The following HTR1E variants were observed in gnomAD, a reference collection of about 807,000 sequenced individuals.
HTR1E encodes 5-hydroxytryptamine receptor 1E, also known as 5-HT-1E.
Under a neutral mutation model 3.4 loss-of-function variants are expected in HTR1E, and 3 were observed. The observed-to-expected ratio is 0.89, with a 90% CI of 0.41 to 2.31. The LOEUF (loss-of-function observed/expected upper bound fraction) is 2.31. HTR1E is among the 30% of genes most tolerant of loss of function. HTR1E has a pLI of 0.05. For synonymous variants in HTR1E, 170 were observed against 182.8 expected (o/e 0.93, Z 0.56); for missense variants, 392 against 467.0 (o/e 0.84, Z 1.48).
chr6:86,991,705 G>A (rs1767871635), intron 1 of HTR1E, among the ~76,000 whole-genome samples: 1 of 152,144 alleles, frequency 6.6e-6, no homozygotes, highest in African/African-American at 2.4e-5. Context: ...AGTGGTCTCA[G>A]AAGCAGAATA....
In HTR1E at chr6:87,016,356, C is replaced by G. The variant is rs777168858; in HGVS notation, c.1022C>G (p.Pro341Arg). Residue 341 changes from proline to arginine, a missense_variant, in exon 2 of 2, where the codon CCT becomes CGT. Around this residue, in one of 3 missense-constraint regions of HTR1E, gnomAD observed 25 missense variants for 44.1 expected, o/e 0.57. Transcript: ENST00000305344. ...GGTTATGTGAATTCTCTGATCAACC[C>G]TCTGCTCTATACGAGTTTTAATGAA... is the stretch of plus-strand genomic sequence containing the variant. ...WLGYVNSLIN[P>R]LLYTSFNEDF... is the part of the protein sequence containing the mutation. 1 of 1,614,126 alleles carries G rather than the reference C, an allele frequency of 6.2e-7. No individual in the cohort carries two copies. Among genetic ancestry groups the G allele is most frequent in the Admixed American group, 1.7e-5 (1 of 60,016 alleles).
chr6:87,016,403 A>G lies in HTR1E; in HGVS notation c.1069A>G (p.Lys357Glu), dbSNP rs568964974. 1.2e-6 allele frequency: 2 copies of G among 1,605,136 alleles called. No individual in the cohort carries two copies. Among genetic ancestry groups the G allele is most frequent in the Admixed American group, 3.4e-5 (2 of 59,520 alleles). ...TGAAGACTTTAAGCTGGCTTTTAAA[A>G]AGCTCATTAGATGCCGAGAGCATAC... ...FNEDFKLAFKKLIRCREHT is the reference protein window; with the variant it reads ...FNEDFKLAFKELIRCREHT The change falls in exon 2 of 2, where the codon AAG becomes GAG. Residue 357 changes from lysine to glutamate, a missense_variant. By Grantham distance (56) the Lys-to-Glu change is moderately conservative. Coordinates refer to ENST00000305344, the MANE Select transcript of HTR1E (RefSeq NM_000865.3).
intron 1 of HTR1E, among the ~76,000 whole-genome samples, chr6:86,999,561 AT>A (rs774754695): frequency 2.7e-4 from 41 of 152,210 alleles, no homozygotes; most frequent in Non-Finnish European, 4.9e-4. Context: ...TAGAAAAACT[AT>A]TAGAGTAATT....
At chr6:86,951,346 GTTTTC>G (rs1767237893) in intron 1 of HTR1E, among the ~76,000 whole-genome samples, 1 of 152,054 alleles carries the variant, frequency 6.6e-6, no homozygotes, top group African/African-American at 2.4e-5. Context: ...TGAAATATTT[GTTTTC>G]TTTTCATGAA....
intron 1 of HTR1E, among the ~76,000 whole-genome samples, chr6:86,954,974 C>G (rs1291507704): frequency 9.2e-5 from 14 of 152,148 alleles, no homozygotes; most frequent in Non-Finnish European, 1.5e-5. Context: ...ACCCATTGTA[C>G]CCCAGAGCAA....
At chr6:87,012,093 G>A (rs779195996) in intron 1 of HTR1E, among the ~76,000 whole-genome samples, 15 of 147,362 alleles carry the variant, frequency 1.0e-4, no homozygotes. Flanking sequence ...AGCGTGTTAC[G>A]GAAGCAGTCT....
At chr6:86,956,429 T>C (rs1012168265) in intron 1 of HTR1E, among the ~76,000 whole-genome samples, 2 of 152,172 alleles carry the variant, frequency 1.3e-5, no homozygotes, top group Non-Finnish European at 2.9e-5. Flanking sequence ...TTGATTCCAG[T>C]TCTTTAGATA....
intron 1 of HTR1E, among the ~76,000 whole-genome samples, chr6:87,005,659 CTCTCCA>C (rs1768092247): frequency 6.6e-6 from 1 of 152,158 alleles, no homozygotes; most frequent in Non-Finnish European, 1.5e-5. Context: ...ATTGGGGAAA[CTCTCCA>C]AGACATTAGT....
intron 1 of HTR1E, among the ~76,000 whole-genome samples, chr6:87,011,786 A>G (rs1768240912): frequency 1.3e-5 from 2 of 152,204 alleles, no homozygotes; most frequent in African/African-American, 4.8e-5. Context: ...AGCCAAGCCC[A>G]TAGGAGATTT....
chr6:86,951,746 A>G (rs971560064), intron 1 of HTR1E, among the ~76,000 whole-genome samples: 3 of 152,212 alleles, frequency 2.0e-5, no homozygotes, highest in Admixed American at 2.0e-4. Flanking sequence ...AAAAATATAT[A>G]TGTCTATTGA....
Position 87,015,895 on chromosome 6 carries a change from G to A in HTR1E, c.561G>A (p.Thr187=), listed in dbSNP as rs146708836. ...HDHVIYTIYS[T]LGAFYIPLTL... The stretch of plus-strand genomic sequence containing the variant: ...ATGTTATCTACACCATTTACTCCAC[G>A]CTGGGTGCGTTTTATATCCCCTTGA... Residue 187 remains threonine, a synonymous_variant, in exon 2 of 2, where the codon ACG becomes ACA. Coordinates refer to ENST00000305344, the MANE Select transcript of HTR1E (RefSeq NM_000865.3). 88 of 1,613,320 alleles carry A rather than the reference G, an allele frequency of 5.5e-5. No homozygotes were observed. Among genetic ancestry groups the A allele is most frequent in the Middle Eastern group, 1.7e-4 (1 of 6,060 alleles).
intron 1 of HTR1E, among the ~76,000 whole-genome samples, chr6:86,985,189 G>C (rs560374653): frequency 6.6e-6 from 1 of 152,242 alleles, no homozygotes; most frequent in South Asian, 2.1e-4. Context: ...CCATATAGGA[G>C]ACAGGCCTGA....
In HTR1E at chr6:86,975,578, ACTTTGG is replaced by A. The variant is rs1174585172; in HGVS notation, c.-186+37756_-186+37761del. ...TCACCCTGCTTGGGCTCTGTTACCCACTTTGGACTATCCTATATGTGTACCCTCCTC... is the reference window on the plus strand; with the variant it reads ...TCACCCTGCTTGGGCTCTGTTACCCAACTATCCTATATGTGTACCCTCCTC... On this transcript the variant is annotated intron_variant, in intron 1 of 1. Transcript: ENST00000305344. 2.0e-5 allele frequency among the ~76,000 whole-genome samples: 3 copies of A among 151,770 alleles called. No individual in the cohort carries two copies. In the South Asian group the frequency reaches 6.3e-4, roughly 32 times the overall value.
chr6:86,952,970 A>G (rs1582258037), intron 1 of HTR1E, among the ~76,000 whole-genome samples: 1 of 152,218 alleles, frequency 6.6e-6, no homozygotes, highest in East Asian at 1.9e-4. Context: ...ATGGGCTTCC[A>G]TTATTGTTGG....
chr6:86,991,351 A>G (rs1222776400), intron 1 of HTR1E, among the ~76,000 whole-genome samples: 3 of 152,182 alleles, frequency 2.0e-5, no homozygotes, highest in African/African-American at 7.2e-5. Context: ...TTAATTTTGA[A>G]AAATGTACCA....
chr6:86,956,326 C>G (rs1269932377), intron 1 of HTR1E, among the ~76,000 whole-genome samples: 3 of 152,104 alleles, frequency 2.0e-5, no homozygotes, highest in African/African-American at 7.2e-5. Flanking sequence ...ACCATCTAAT[C>G]TCTCTGAAGC....
At chr6:87,006,803 C>T (rs1420737652) in intron 1 of HTR1E, among the ~76,000 whole-genome samples, 2 of 152,160 alleles carry the variant, frequency 1.3e-5, no homozygotes, top group African/African-American at 4.8e-5. Flanking sequence ...AGCCATTATC[C>T]TCAGCAAATG....
Position 87,016,568 on chromosome 6 carries a change from G to A in HTR1E, c.*136G>A. ...TATGTGTGGTCTTGTTTCCTTGTTT[G>A]TTTGTTTGTTTTGTTCTGTTTTGTT... On this transcript the variant is annotated 3_prime_UTR_variant, in exon 2 of 2. Coordinates refer to ENST00000305344, the MANE Select transcript of HTR1E (RefSeq NM_000865.3). The A allele has an allele frequency of 1.4e-6, 1 of 711,510 alleles. No individual in the cohort carries two copies. The highest frequency in any genetic ancestry group is 2.2e-6 in the Non-Finnish European group (1 of 450,878). 44.1% of individuals were successfully genotyped at this position (711,510 alleles called of 1,614,324 possible). A position where few individuals can be genotyped will look rare whatever the true frequency, so the allele number is the denominator to read the frequency against.
chr6:86,962,087 T>C (rs1230933553), intron 1 of HTR1E, among the ~76,000 whole-genome samples: 4 of 152,166 alleles, frequency 2.6e-5, no homozygotes, highest in Non-Finnish European at 5.9e-5. Context: ...ATGACTGGCA[T>C]TGAGGAACAT....
Sources: gnomAD v4.1 joint callset for allele counts (sites outside exome capture counted in the v4.1 genomes callset) on GRCh38, gnomAD v4.1.1 for gene constraint, gnomAD v4.1.1 regional missense constraint, MANE v1.5 for transcripts, NCBI Gene and HGNC (gene_info 2026-07-23, HGNC 2026-07-21) for gene names.